SUGT1: variants seen among roughly 807,000 people sequenced by gnomAD.
SUGT1 encodes the protein protein SGT1 homolog.
Under a neutral mutation model 56.1 loss-of-function variants are expected in SUGT1, and 15 were observed. The ratio of observed to expected loss-of-function variants is 0.27; its 90% confidence interval spans 0.18 to 0.41. The LOEUF (loss-of-function observed/expected upper bound fraction) is 0.41. SUGT1 is among the 10% of genes least tolerant of loss of function. The probability of loss-of-function intolerance (pLI) is 1.00; values close to 1 mark genes in which losing one functional copy is unlikely to be tolerated. For missense variants in SUGT1, 347 were observed against 382.2 expected (o/e 0.91, Z 0.77); for synonymous variants, 123 against 128.6 (o/e 0.96, Z 0.30).
chr13:52,668,775 G>A (rs1475537243), intron 10 of SUGT1, among the ~76,000 whole-genome samples: 3 of 150,622 alleles, frequency 2.0e-5, no homozygotes, highest in Non-Finnish European at 4.4e-5. Context: ...TAATGCAAGT[G>A]AGCTGAGATC....
At chr13:52,677,183 GTGTGTGTGTT>G (rs1963179555) in intron 11 of SUGT1, among the ~76,000 whole-genome samples, 1 of 152,132 alleles carries the variant, frequency 6.6e-6, no homozygotes, top group South Asian at 2.1e-4. Context: ...CAGATCATTT[GTGTGTGTGTT>G]TGTGTGTGTG....
intron 10 of SUGT1, among the ~76,000 whole-genome samples, chr13:52,668,298 A>T (rs1464381768): frequency 6.6e-6 from 1 of 152,098 alleles, no homozygotes; most frequent in Non-Finnish European, 1.5e-5. Flanking sequence ...CTTTTTTTAT[A>T]CATAGGTCCT....
rs990307158 is a variant in SUGT1 at position 52,690,643 on chromosome 13, A to G, written c.*2808A>G. ...TGCTTTTTGAACTCTGCTATCTAGT[A>G]ATCTCTTTAGATATCTATACCACAA... On this transcript the variant is annotated 3_prime_UTR_variant, in exon 13 of 13. Transcript: ENST00000310528. 1 of 152,154 alleles carries G rather than the reference A, an allele frequency of 6.6e-6. No individual in the cohort carries two copies. Among genetic ancestry groups the G allele is most frequent in the African/African-American group, 2.4e-5 (1 of 41,444 alleles). 9.4% of individuals were successfully genotyped at this position (152,154 alleles called of 1,614,324 possible).
chr13:52,653,190 C>A, intron 2 of SUGT1, 87 bp downstream of exon 2: 1 of 1,516,312 alleles, frequency 6.6e-7, no homozygotes, highest in South Asian at 1.2e-5. Context: ...CTCCCCGCAC[C>A]GCCGGACAGG....
intron 2 of SUGT1, 32 bp from the exon 3 acceptor site, chr13:52,657,500 T>G: frequency 6.3e-7 from 1 of 1,591,984 alleles, no homozygotes; most frequent in Non-Finnish European, 8.6e-7. Flanking sequence ...CTTACAAACT[T>G]TTACTGACGC....
intron 12 of SUGT1, among the ~76,000 whole-genome samples, chr13:52,683,763 A>C (rs1380863778): frequency 6.6e-6 from 1 of 152,194 alleles, no homozygotes; most frequent in Non-Finnish European, 1.5e-5. Flanking sequence ...GTTAACCTAA[A>C]AGTTTTTATA....
In SUGT1 at chr13:52,686,845, C is replaced by T. The variant is rs550012716; in HGVS notation, c.901-889C>T. ...CAGCACTTTGGGAGGCCAAGGTGGG[C>T]GGATCACCTGAGGGTCGGGAGTTCG... On this transcript the variant is annotated intron_variant, in intron 12 of 12. Coordinates refer to ENST00000310528, the MANE Select transcript of SUGT1 (RefSeq NM_006704.5). Among the ~76,000 whole-genome samples the T allele has an allele frequency of 1.3e-4, 19 of 151,852 alleles. No homozygotes were observed. The East Asian group carries it at 1.4e-3, about 11-fold the overall frequency.
chr13:52,655,303 A>T (rs1206980708), intron 2 of SUGT1, among the ~76,000 whole-genome samples: 2 of 152,172 alleles, frequency 1.3e-5, no homozygotes, highest in East Asian at 1.9e-4. Flanking sequence ...AGATCGCGCC[A>T]TTGCACTCCA....
chr13:52,652,904 AACAGCGACT>A lies in SUGT1; in HGVS notation c.-14_-6del. The A allele has an allele frequency of 6.2e-7, 1 of 1,613,042 alleles. No individual in the cohort carries two copies. The highest frequency in any genetic ancestry group is 8.5e-7 in the Non-Finnish European group (1 of 1,179,396). On this transcript the variant is annotated 5_prime_UTR_variant, in exon 1 of 13. Coordinates refer to ENST00000310528, the MANE Select transcript of SUGT1 (RefSeq NM_006704.5). ...TGATAGTAGCAGCTCCGGCGGCAGC[AACAGCGACT>A]ACGAGGGATGGCGGCGGCTGCAGCA...
intron 11 of SUGT1, among the ~76,000 whole-genome samples, chr13:52,676,929 A>G (rs1265164553): frequency 6.6e-6 from 1 of 152,194 alleles, no homozygotes; most frequent in Non-Finnish European, 1.5e-5. Flanking sequence ...TGCAATAACT[A>G]GGTAAGAATT....
rs539321799 is a variant in SUGT1, at chr13:52,689,617, A to G, written c.*1782A>G. The G allele has an allele frequency of 6.6e-6, 1 of 152,190 alleles. No individual in the cohort carries two copies. The highest frequency in any genetic ancestry group is 1.5e-5 in the Non-Finnish European group (1 of 68,034). The allele number at this position is 152,190 out of a possible 1,614,324, so 9.4% of individuals were successfully genotyped here. The stretch of plus-strand genomic sequence containing the variant: ...TATAATTAAAGGTCCATGGTTCTAA[A>G]TACAGAAGCATATTTTTGCCGCTTA... On this transcript the variant is annotated 3_prime_UTR_variant, in exon 13 of 13. Coordinates refer to ENST00000310528, the MANE Select transcript of SUGT1 (RefSeq NM_006704.5).
At chr13:52,658,980 GAAGT>G (rs1254583840) in intron 4 of SUGT1, among the ~76,000 whole-genome samples, 195 bp from the exon 5 acceptor site, 1 of 151,874 alleles carries the variant, frequency 6.6e-6, no homozygotes, top group Admixed American at 6.6e-5. Context: ...GATTCCTTCT[GAAGT>G]GAGTTCTAAA....
At position 52,697,976 on chromosome 13, in the gene SUGT1, G is replaced by A. The variant is rs1408288993; in HGVS notation, c.*10141G>A. ...TTAACACATTAAACTATAGGTAATA[G>A]CATATGTTAGTCTAATCTTTGTTTA... On this transcript the variant is annotated 3_prime_UTR_variant, in exon 13 of 13. Coordinates refer to ENST00000310528, the MANE Select transcript of SUGT1 (RefSeq NM_006704.5). 2 of 152,160 alleles carry A rather than the reference G, an allele frequency of 1.3e-5. No homozygotes were observed. Among genetic ancestry groups the A allele is most frequent in the Non-Finnish European group, 2.9e-5 (2 of 68,040 alleles). The allele number at this position is 152,160 out of a possible 1,614,324, so 9.4% of individuals were successfully genotyped here.
chr13:52,660,490 T>C (rs1357347739), intron 5 of SUGT1, among the ~76,000 whole-genome samples: 2 of 152,208 alleles, frequency 1.3e-5, no homozygotes, highest in Non-Finnish European at 2.9e-5. Context: ...AACTTCACTC[T>C]TAGTATTTTA....
chr13:52,670,938 G>A (rs1034660132), intron 10 of SUGT1, among the ~76,000 whole-genome samples: 7 of 152,240 alleles, frequency 4.6e-5, no homozygotes, highest in East Asian at 1.9e-4. Flanking sequence ...TATAAAATAC[G>A]AAGGCCTGGA....
intron 4 of SUGT1, 84 bp downstream of exon 4, chr13:52,658,552 A>C (rs1378571063): frequency 2.3e-6 from 3 of 1,296,102 alleles, no homozygotes; most frequent in Non-Finnish European, 3.2e-6. Context: ...CAAGCTTTAT[A>C]TAAGTTGTAA....
chr13:52,685,960 C>T (rs960468193), intron 12 of SUGT1, among the ~76,000 whole-genome samples: 1 of 152,156 alleles, frequency 6.6e-6, no homozygotes, highest in African/African-American at 2.4e-5. Context: ...GAGAGTTTCA[C>T]TCTGTCACTC....
chr13:52,657,499 T>A, intron 2 of SUGT1, 33 bp from the exon 3 acceptor site: 1 of 1,590,306 alleles, frequency 6.3e-7, no homozygotes, highest in Non-Finnish European at 8.6e-7. Flanking sequence ...TCTTACAAAC[T>A]TTTACTGACG....
Position 52,676,327 on chromosome 13 carries a change from T to A in SUGT1, c.718+7T>A. On this transcript the variant is annotated splice_region_variant and intron_variant, in intron 11 of 12. Transcript: ENST00000310528. Reference sequence around the variant, plus strand: ...CCAAAACAATTCGTAGCAGGTTTGTTTTCTGGCCTTGATGAGCTTTATATT... The same window carrying A: ...CCAAAACAATTCGTAGCAGGTTTGTATTCTGGCCTTGATGAGCTTTATATT... 6.2e-7 allele frequency: 1 copy of A among 1,608,836 alleles called. No homozygotes were observed. The highest frequency in any genetic ancestry group is 8.5e-7 in the Non-Finnish European group (1 of 1,178,066).
Sources: allele counts gnomAD v4.1 joint callset (sites outside exome capture counted in the v4.1 genomes callset), GRCh38; gene constraint gnomAD v4.1.1; transcripts MANE v1.5; gene names NCBI Gene and HGNC (gene_info 2026-07-23, HGNC 2026-07-21).